Variants in LHFPL6 observed in about 807,000 individuals in gnomAD.
LHFPL6 encodes LHFPL tetraspan subfamily member 6 protein.
LHFPL6 carries 9 observed loss-of-function variants against 20.6 expected under a neutral mutation model. The observed-to-expected ratio is 0.44, with a 90% CI of 0.26 to 0.76. The LOEUF (loss-of-function observed/expected upper bound fraction) is 0.76, where lower values mean the gene tolerates loss of function less well. Among genes scored for constraint, LHFPL6 ranks in the 30% least tolerant of loss-of-function variants. The pLI is 0.20. For synonymous variants in LHFPL6, 105 were observed against 98.7 expected, an observed-to-expected ratio of 1.06 and a Z score of -0.38; for missense variants, 218 against 253.5, an observed-to-expected ratio of 0.86 and a Z score of 0.95.
chr13:39,431,249 A>G (rs1871791401), intron 2 of LHFPL6, among the ~76,000 whole-genome samples: 1 of 152,162 alleles, frequency 6.6e-6, no homozygotes, highest in Admixed American at 6.5e-5. Flanking sequence ...ACTCACTGCG[A>G]AGGTCAGCGG....
chr13:39,411,398 C>G (rs1233381989), intron 2 of LHFPL6, among the ~76,000 whole-genome samples: 1 of 152,176 alleles, frequency 6.6e-6, no homozygotes, highest in Non-Finnish European at 1.5e-5. Context: ...CTAGAATAAT[C>G]CAGGGAGCTA....
intron 2 of LHFPL6, among the ~76,000 whole-genome samples, chr13:39,379,903 T>A (rs1040231161): frequency 1.1e-4 from 16 of 152,248 alleles, no homozygotes; most frequent in Admixed American, 5.9e-4. Flanking sequence ...ATTGAAACTA[T>A]GAATCACTAG....
intron 2 of LHFPL6, among the ~76,000 whole-genome samples, chr13:39,551,978 T>C (rs1427288216): frequency 5.9e-5 from 9 of 152,230 alleles, no homozygotes; most frequent in Admixed American, 5.9e-4. Flanking sequence ...CAGAATATCT[T>C]GGCTAACTTC....
intron 2 of LHFPL6, among the ~76,000 whole-genome samples, chr13:39,511,456 T>A (rs1869702147): frequency 1.4e-5 from 2 of 138,576 alleles, no homozygotes; most frequent in South Asian, 4.5e-4. Context: ...TGTCAATTGA[T>A]TTAAATTCTT....
intron 2 of LHFPL6, among the ~76,000 whole-genome samples, chr13:39,530,071 G>T (rs1870415842): frequency 1.3e-5 from 2 of 152,070 alleles, no homozygotes; most frequent in South Asian, 4.1e-4. Context: ...AATATTGGAT[G>T]AATGTGTAGG....
intron 2 of LHFPL6, among the ~76,000 whole-genome samples, chr13:39,531,916 C>A (rs919719174): frequency 6.6e-6 from 1 of 152,086 alleles, no homozygotes; most frequent in Admixed American, 6.6e-5. Flanking sequence ...CAAAAGCAGC[C>A]ACGAGACAGG....
chr13:39,395,217 A>C (rs1870812604), intron 2 of LHFPL6, among the ~76,000 whole-genome samples: 1 of 152,226 alleles, frequency 6.6e-6, no homozygotes, highest in African/African-American at 2.4e-5. Flanking sequence ...GTTGTCAAGC[A>C]CAATTTATAC....
chr13:39,583,973 G>A (rs71423201), intron 2 of LHFPL6, among the ~76,000 whole-genome samples: 10,233 of 151,862 alleles, frequency 0.067, 634 homozygotes, highest in African/African-American at 0.16. Flanking sequence ...CTCCTCCTCC[G>A]TGTCAGGCCT....
chr13:39,516,089 C>G (rs1322261592), intron 2 of LHFPL6, among the ~76,000 whole-genome samples: 2 of 152,170 alleles, frequency 1.3e-5, no homozygotes, highest in African/African-American at 2.4e-5. Flanking sequence ...AGGCTAATTA[C>G]GAGTTCCTAT....
intron 2 of LHFPL6, among the ~76,000 whole-genome samples, chr13:39,421,621 G>T (rs1201495472): frequency 6.6e-6 from 1 of 152,116 alleles, no homozygotes; most frequent in African/African-American, 2.4e-5. Flanking sequence ...ACATTAACGG[G>T]TGGACAAGTT....
chr13:39,352,849 A>ATACATACATACACAC (rs1566091519), intron 3 of LHFPL6, among the ~76,000 whole-genome samples: 1 of 95,418 alleles, frequency 1.0e-5, no homozygotes, highest in African/African-American at 4.2e-5. Flanking sequence ...ATATATATAT[A>ATACATACATACACAC]AATGTATATA....
intron 2 of LHFPL6, among the ~76,000 whole-genome samples, chr13:39,394,941 T>A (rs1385051696): frequency 6.6e-6 from 1 of 152,178 alleles, no homozygotes; most frequent in Non-Finnish European, 1.5e-5. Flanking sequence ...GCACAGACTA[T>A]ATCACATTCA....
At chr13:39,505,334 TG>T (rs1869438806) in intron 2 of LHFPL6, among the ~76,000 whole-genome samples, 1 of 152,086 alleles carries the variant, frequency 6.6e-6, no homozygotes, top group South Asian at 2.1e-4. Context: ...AGAACATAAT[TG>T]ATGTCAGGAA....
At chr13:39,449,149 C>T (rs1450005310) in intron 2 of LHFPL6, among the ~76,000 whole-genome samples, 1 of 152,234 alleles carries the variant, frequency 6.6e-6, no homozygotes, top group Non-Finnish European at 1.5e-5. Flanking sequence ...CTCACAGATA[C>T]AGACGTCCAC....
chr13:39,492,255 C>A (rs1301876872), intron 2 of LHFPL6, among the ~76,000 whole-genome samples: 2 of 152,142 alleles, frequency 1.3e-5, no homozygotes, highest in Non-Finnish European at 2.9e-5. Flanking sequence ...TAATGTCATT[C>A]CCTGAGTGAC....
At chr13:39,436,850 A>C (rs1240544774) in intron 2 of LHFPL6, among the ~76,000 whole-genome samples, 1 of 152,164 alleles carries the variant, frequency 6.6e-6, no homozygotes, top group Admixed American at 6.6e-5. Flanking sequence ...TATGGCCCCA[A>C]CAATGGGAGG....
At chr13:39,518,979 G>A (rs576801747) in intron 2 of LHFPL6, among the ~76,000 whole-genome samples, 2 of 152,374 alleles carry the variant, frequency 1.3e-5, no homozygotes, top group South Asian at 4.1e-4. Flanking sequence ...GCTCACACCT[G>A]TAATTCCAGA....
At chr13:39,384,756 T>G (rs1371402996) in intron 2 of LHFPL6, among the ~76,000 whole-genome samples, 2 of 152,222 alleles carry the variant, frequency 1.3e-5, no homozygotes, top group African/African-American at 2.4e-5. Context: ...CAAGCTTTAA[T>G]ATTATTTACA....
chr13:39,569,207 A>G (rs1871834767), intron 2 of LHFPL6, among the ~76,000 whole-genome samples: 1 of 152,048 alleles, frequency 6.6e-6, no homozygotes, highest in African/African-American at 2.4e-5. Context: ...GGACAGATAT[A>G]AACTGCAAAC....
Sources: allele counts gnomAD v4.1 joint callset (sites outside exome capture counted in the v4.1 genomes callset), GRCh38; gene constraint gnomAD v4.1.1; transcripts MANE v1.5; gene names NCBI Gene and HGNC (gene_info 2026-07-23, HGNC 2026-07-21).